The following CTXND1 variants were observed in gnomAD, a reference collection of about 807,000 sequenced individuals.
The protein encoded by CTXND1 is cortexin domain containing 1.
At chr15:80,204,667 AT>A (rs1285540660) in intron 1 of CTXND1, among the ~76,000 whole-genome samples, 7 of 146,708 alleles carry the variant, frequency 4.8e-5, no homozygotes, top group Non-Finnish European at 1.0e-4. Flanking sequence ...ATATATATAT[AT>A]ATATACCACA....
At chr15:80,234,035 G>C (rs533944462) in intron 1 of CTXND1, among the ~76,000 whole-genome samples, 13 of 152,334 alleles carry the variant, frequency 8.5e-5, no homozygotes, top group African/African-American at 3.1e-4. Context: ...CAAGCCTGCG[G>C]TGGAGAAGCT....
At chr15:80,209,059 C>T (rs1893178825) in intron 1 of CTXND1, among the ~76,000 whole-genome samples, 1 of 152,138 alleles carries the variant, frequency 6.6e-6, no homozygotes, top group Non-Finnish European at 1.5e-5. Flanking sequence ...TTGCAGAGGT[C>T]AGATCTCACA....
At position 80,225,909 on chromosome 15, in the gene CTXND1, T is replaced by C. The variant is rs556557239; in HGVS notation, c.-217-22169A>G. Among the ~76,000 whole-genome samples the C allele has an allele frequency of 9.3e-4, 142 of 152,358 alleles. 1 individual carries two copies. The Middle Eastern group carries it at 0.01, about 11-fold the overall frequency. On this transcript the variant is annotated intron_variant, in intron 1 of 2. Transcript: ENST00000560778. ...ATAAATGGAGGTATAGATTCATTTA[T>C]ATTGGTAGCTGATGTGGGCTCTTCC...
At chr15:80,221,099 C>T (rs907780853) in intron 1 of CTXND1, among the ~76,000 whole-genome samples, 1 of 151,808 alleles carries the variant, frequency 6.6e-6, no homozygotes, top group Non-Finnish European at 1.5e-5. Flanking sequence ...TTAGTAGAGA[C>T]GGGGTTTCAC....
At chr15:80,225,880 G>A (rs542082794) in intron 1 of CTXND1, among the ~76,000 whole-genome samples, 26 of 151,842 alleles carry the variant, frequency 1.7e-4, no homozygotes, top group African/African-American at 5.6e-4. Flanking sequence ...TTCTGCTCAC[G>A]TTTATAAATG....
intron 1 of CTXND1, among the ~76,000 whole-genome samples, chr15:80,230,948 C>T (rs899803249): frequency 6.6e-6 from 1 of 152,060 alleles, no homozygotes; most frequent in Non-Finnish European, 1.5e-5. Flanking sequence ...GTCCCTGCTA[C>T]TCAGGAGGCC....
chr15:80,246,621 C>A (rs1893633380), intron 1 of CTXND1, among the ~76,000 whole-genome samples: 1 of 126,836 alleles, frequency 7.9e-6, no homozygotes, highest in African/African-American at 3.1e-5. Flanking sequence ...TCTGCCCAGG[C>A]AGAATGAACT....
intron 1 of CTXND1, among the ~76,000 whole-genome samples, chr15:80,237,207 T>C (rs1467397147): frequency 1.3e-5 from 2 of 151,578 alleles, no homozygotes; most frequent in South Asian, 4.2e-4. Context: ...TGGTGGCAGG[T>C]GCCTGTAGTC....
At chr15:80,243,336 A>G (rs761246686) in intron 1 of CTXND1, among the ~76,000 whole-genome samples, 2 of 152,200 alleles carry the variant, frequency 1.3e-5, no homozygotes, top group Non-Finnish European at 2.9e-5. Flanking sequence ...GGGCATTAAG[A>G]TACTTTCCTG....
intron 1 of CTXND1, among the ~76,000 whole-genome samples, chr15:80,210,637 C>A (rs980328429): frequency 3.3e-5 from 5 of 152,236 alleles, no homozygotes; most frequent in African/African-American, 1.2e-4. Flanking sequence ...TTAAGGCCAT[C>A]CCTTGCCTGA....
At chr15:80,223,107 T>C (rs1158526253) in intron 1 of CTXND1, among the ~76,000 whole-genome samples, 1 of 152,244 alleles carries the variant, frequency 6.6e-6, no homozygotes, top group Non-Finnish European at 1.5e-5. Flanking sequence ...AGACAGAGTT[T>C]TGCTCTTGTT....
intron 1 of CTXND1, among the ~76,000 whole-genome samples, chr15:80,249,860 C>T (rs1893674469): frequency 6.6e-6 from 1 of 152,186 alleles, no homozygotes; most frequent in Non-Finnish European, 1.5e-5. Context: ...CTTTTAATAG[C>T]AAACTTAAGC....
intron 1 of CTXND1, among the ~76,000 whole-genome samples, chr15:80,240,895 AG>A (rs1893557825): frequency 6.6e-6 from 1 of 152,192 alleles, no homozygotes; most frequent in Admixed American, 6.5e-5. Flanking sequence ...CCCAGGACAA[AG>A]CTGGCTTCCT....
At chr15:80,245,440 A>G (rs1893617696) in intron 1 of CTXND1, among the ~76,000 whole-genome samples, 1 of 152,190 alleles carries the variant, frequency 6.6e-6, no homozygotes, top group African/African-American at 2.4e-5. Flanking sequence ...ATGGAGCTCT[A>G]TCATGCAGTT....
chr15:80,209,184 T>C (rs1398239076), intron 1 of CTXND1, among the ~76,000 whole-genome samples: 2 of 152,066 alleles, frequency 1.3e-5, no homozygotes, highest in Non-Finnish European at 2.9e-5. Context: ...CTGGGTGGGG[T>C]GAATGCCAAG....
intron 1 of CTXND1, among the ~76,000 whole-genome samples, chr15:80,228,162 C>T (rs1341351039): frequency 1.3e-5 from 2 of 152,238 alleles, no homozygotes; most frequent in Non-Finnish European, 2.9e-5. Flanking sequence ...TCAGGCTCTA[C>T]TTCTAATTCT....
chr15:80,228,058 C>T (rs1893391200), intron 1 of CTXND1, among the ~76,000 whole-genome samples: 1 of 152,238 alleles, frequency 6.6e-6, no homozygotes, highest in Non-Finnish European at 1.5e-5. Flanking sequence ...CAACAAGGTT[C>T]ACATCTTCAA....
Position 80,217,998 on chromosome 15 carries a change from C to A in CTXND1, c.-217-14258G>T, listed in dbSNP as rs112368647. 2.8e-3 allele frequency among the ~76,000 whole-genome samples: 424 copies of A among 152,204 alleles called. 3 individuals are homozygous for A. Among genetic ancestry groups the A allele is most frequent in the Non-Finnish European group, 3.1e-3 (209 of 68,012 alleles). On this transcript the variant is annotated intron_variant, in intron 1 of 2. Coordinates refer to ENST00000560778, the MANE Select transcript of CTXND1 (RefSeq NM_001352888.2). ...ATGCCGATGTATTTAGATTTTCTAC[C>A]TTTTCTTATAGGAATCTGGGAAATG...
At chr15:80,235,492 G>C (rs1349050522) in intron 1 of CTXND1, among the ~76,000 whole-genome samples, 2 of 152,252 alleles carry the variant, frequency 1.3e-5, no homozygotes, top group Non-Finnish European at 1.5e-5. Flanking sequence ...CTAGTTGTGG[G>C]CTTGGTTGAC....
Sources: gnomAD v4.1 joint callset for allele counts (sites outside exome capture counted in the v4.1 genomes callset) on GRCh38, gnomAD v4.1.1 for gene constraint, MANE v1.5 for transcripts, NCBI Gene and HGNC (gene_info 2026-07-23, HGNC 2026-07-21) for gene names.